NOBOX: variants seen among roughly 807,000 people sequenced by gnomAD.
NOBOX encodes the protein homeobox protein NOBOX.
Under a neutral mutation model 60.2 loss-of-function variants are expected in NOBOX, and 46 were observed. That is an observed-to-expected ratio of 0.76 (90% CI 0.60 to 0.98). NOBOX has a LOEUF of 0.98. Ranked by LOEUF, NOBOX falls within the 50% of genes least tolerant of loss-of-function variation. The pLI is 0.00. For synonymous variants in NOBOX, 360 were observed against 346.3 expected (o/e 1.04, Z -0.44); for missense variants, 880 against 865.5 (o/e 1.02, Z -0.21).
chr7:144,407,770 C>A lies in NOBOX; in HGVS notation c.85+2373G>T, dbSNP rs558706506. 7.9e-4 allele frequency among the ~76,000 whole-genome samples: 120 copies of A among 152,344 alleles called. 1 individual carries two copies. The highest frequency in any genetic ancestry group is 3.4e-3 in the Middle Eastern group (1 of 294). On this transcript the variant is annotated intron_variant, in intron 1 of 9. Coordinates refer to ENST00000467773, the MANE Select transcript of NOBOX (RefSeq NM_001080413.3). ...TAGAGTGGAAACTGCCGGGCAGGGC[C>A]AGGACAAGTTCTGGCGTGAATTAGC...
chr7:144,397,154 C>G, downstream of NOBOX: 1 of 1,230,920 alleles, frequency 8.1e-7, no homozygotes, highest in African/African-American at 1.5e-5. Context: ...AGTCCACACT[C>G]TTTCCCAAAC....
intron 1 of NOBOX, among the ~76,000 whole-genome samples, chr7:144,407,148 TAAAA>T (rs5888132): frequency 1.3e-5 from 2 of 150,600 alleles, no homozygotes; most frequent in Non-Finnish European, 3.0e-5. Flanking sequence ...TGTCTGATAC[TAAAA>T]AAAAAAGTAG....
chr7:144,403,290 C>T (rs1376895363), intron 2 of NOBOX, among the ~76,000 whole-genome samples: 1 of 152,124 alleles, frequency 6.6e-6, no homozygotes, highest in Non-Finnish European at 1.5e-5. Flanking sequence ...AGCAAAAAGC[C>T]TGGTACCCAG....
chr7:144,408,630 T>A (rs2054001747), intron 1 of NOBOX, among the ~76,000 whole-genome samples: 2 of 152,238 alleles, frequency 1.3e-5, no homozygotes, highest in South Asian at 4.1e-4. Flanking sequence ...CACCTCAGAT[T>A]TGAACCCAGT....
chr7:144,404,748 G>C, intron 1 of NOBOX: 3 of 1,590,008 alleles, frequency 1.9e-6, no homozygotes, highest in South Asian at 2.3e-5. Flanking sequence ...TCTGAGAATG[G>C]AAGGGACTTT....
At chr7:144,409,710 A>G (rs892825265) in intron 1 of NOBOX, among the ~76,000 whole-genome samples, 5 of 152,250 alleles carry the variant, frequency 3.3e-5, no homozygotes, top group African/African-American at 1.2e-4. Context: ...TGGCTTTTAA[A>G]AAATAAAAAC....
rs371874278 is a variant in NOBOX at position 144,398,347 on chromosome 7, G to A, written c.1709C>T (p.Ser570Leu). ...GGAGGCACCTGGGCAATAGCCCTGC[G>A]ATGTGCCCCCGCTGGGGCCACAGGG... The change falls in exon 9 of 10, where the codon TCG (serine) becomes TTG (leucine). Residue 570 changes from serine to leucine, a missense_variant. By Grantham distance (145) the Ser-to-Leu change is moderately radical. Transcript: ENST00000467773. 1.9e-4 allele frequency: 293 copies of A among 1,537,150 alleles called. No homozygotes were observed. Among genetic ancestry groups the A allele is most frequent in the Middle Eastern group, 3.3e-4 (2 of 5,990 alleles).
chr7:144,400,007 CAA>C (rs1171449267), intron 5 of NOBOX, 144 bp from the exon 4 acceptor site: 3 of 1,387,936 alleles, frequency 2.2e-6, no homozygotes, highest in Non-Finnish European at 3.0e-6. Context: ...CTGGTTTTAT[CAA>C]AAGTCTCTGC....
chr7:144,398,556 C>T lies in NOBOX; in HGVS notation c.1500G>A (p.Leu500=). ...GGTAATCCTGGGGCTCCAGCTCCTC[C>T]AAATATGAACAGGGGGGTGGCAGGG... is the stretch of plus-strand genomic sequence containing the variant. The change falls in exon 9 of 10, where the codon TTG becomes TTA. Residue 500 remains leucine (L), a synonymous_variant. Coordinates refer to ENST00000467773, the MANE Select transcript of NOBOX (RefSeq NM_001080413.3). The T allele has an allele frequency of 6.5e-7, 1 of 1,535,456 alleles. No homozygotes were observed. The highest frequency in any genetic ancestry group is 8.7e-7 in the Non-Finnish European group (1 of 1,146,704).
intron 1 of NOBOX, among the ~76,000 whole-genome samples, chr7:144,407,830 A>T (rs1382481188): frequency 6.6e-6 from 1 of 152,254 alleles, no homozygotes; most frequent in Non-Finnish European, 1.5e-5. Flanking sequence ...CCAGACACTC[A>T]GGATAATCTG....
Position 144,400,246 on chromosome 7 carries a change from T to C in NOBOX, c.911A>G (p.Glu304Gly), listed in dbSNP as rs1247020721. Residue 304 changes from glutamate (E) to glycine (G), a missense_variant, in exon 5 of 10, where the codon GAG becomes GGG. Physicochemically the swap from Glu to Gly is moderately conservative, Grantham distance 98 (BLOSUM62 -2). Coordinates refer to ENST00000467773, the MANE Select transcript of NOBOX (RefSeq NM_001080413.3). ...GGTCACCCCCACCGTCTGGGCAATC[T>C]CTCGGCGTTTATCACTGTCAGGATA... 1 of 1,614,062 alleles carries C rather than the reference T, an allele frequency of 6.2e-7. No homozygotes were observed. Among genetic ancestry groups the C allele is most frequent in the Non-Finnish European group, 8.5e-7 (1 of 1,179,898 alleles).
In NOBOX at chr7:144,398,934, C is replaced by T. The variant is rs902509364; in HGVS notation, c.1469+16G>A. The T allele has an allele frequency of 7.1e-7, 1 of 1,414,990 alleles. No homozygotes were observed. Among genetic ancestry groups the T allele is most frequent in the Non-Finnish European group, 9.8e-7 (1 of 1,021,960 alleles). The allele number at this position is 1,414,990 out of a possible 1,614,324, so 87.7% of individuals were successfully genotyped here. ...ACCCAGATAACTAGAGTGACCTACC[C>T]CCGTAGGTTCCTTACCTTGTCCCCC... On this transcript the variant is annotated intron_variant, in intron 8 of 9. Coordinates refer to ENST00000467773, the MANE Select transcript of NOBOX (RefSeq NM_001080413.3).
chr7:144,410,081 C>T (rs572040688), intron 1 of NOBOX: 4 of 1,079,140 alleles, frequency 3.7e-6, no homozygotes, highest in African/African-American at 1.6e-5. Flanking sequence ...GAAGACAACT[C>T]TGTCTTCTGT....
chr7:144,403,604 T>G, intron 2 of NOBOX, 53 bp downstream of exon 1: 3 of 306,702 alleles, frequency 9.8e-6, no homozygotes, highest in East Asian at 1.2e-4. Context: ...CCTCCCCCCC[T>G]CCCCGAACCC....
chr7:144,399,044 G>C lies in NOBOX; in HGVS notation c.1375C>G (p.Pro459Ala). The C allele has an allele frequency of 6.3e-7, 1 of 1,599,964 alleles. No homozygotes were observed. The highest frequency in any genetic ancestry group is 8.5e-7 in the Non-Finnish European group (1 of 1,172,040). The change falls in exon 8 of 10, where the codon CCT becomes GCT. Residue 459 changes from proline to alanine, a missense_variant. Transcript: ENST00000467773. ...GGCATCAGTTGGGGGGTGTGGACAGGGCCAAGGGGGAAAGGAAGATCGGCC... is the reference window on the plus strand; with the variant it reads ...GGCATCAGTTGGGGGGTGTGGACAGCGCCAAGGGGGAAAGGAAGATCGGCC...
At chr7:144,405,347 C>T (rs1233504956) in intron 1 of NOBOX, among the ~76,000 whole-genome samples, 1 of 152,014 alleles carries the variant, frequency 6.6e-6, no homozygotes, top group East Asian at 1.9e-4. Context: ...CATTTGGTGG[C>T]GACATGGTAA....
Position 144,401,721 on chromosome 7 carries a change from A to G in NOBOX, c.293-124T>C. 1 of 1,080,738 alleles carries G rather than the reference A, an allele frequency of 9.3e-7. No homozygotes were observed. The highest frequency in any genetic ancestry group is 1.3e-6 in the Non-Finnish European group (1 of 761,122). 66.9% of individuals were successfully genotyped at this position (1,080,738 alleles called of 1,614,324 possible). On this transcript the variant is annotated intron_variant, in intron 3 of 9. Coordinates refer to ENST00000467773, the MANE Select transcript of NOBOX (RefSeq NM_001080413.3). The surrounding 1 kb of genome is among the most constrained non-coding windows in gnomAD (Gnocchi z 4.2). ...AAGCTTTAATTTGTCTACCTATCAAATGGGGTAATAATTCCACACTTACCT... is the reference window on the plus strand; with the variant it reads ...AAGCTTTAATTTGTCTACCTATCAAGTGGGGTAATAATTCCACACTTACCT...
chr7:144,407,550 C>T (rs949815995), intron 1 of NOBOX, among the ~76,000 whole-genome samples: 3 of 152,182 alleles, frequency 2.0e-5, no homozygotes, highest in African/African-American at 4.8e-5. Flanking sequence ...GCTCAGGGAC[C>T]GGCACTGCCA....
chr7:144,401,223 G>T lies in NOBOX; in HGVS notation c.667C>A (p.Pro223Thr). ...TTGTGTGTGGCACGGGCTGAGTTAG[G>T]GGCACCCGGAGATGATGTTGGGGCC... is the stretch of plus-strand genomic sequence containing the variant. The change falls in exon 4 of 10, where the codon CCT (proline) becomes ACT (threonine). Residue 223 changes from proline (P) to threonine (T), a missense_variant. Coordinates refer to ENST00000467773, the MANE Select transcript of NOBOX (RefSeq NM_001080413.3). This position sits in a 1 kb window ranked among gnomAD's most constrained non-coding sequence, Gnocchi z 4.2. 1 of 1,613,630 alleles carries T rather than the reference G, an allele frequency of 6.2e-7. No homozygotes were observed. The highest frequency in any genetic ancestry group is 2.2e-5 in the East Asian group (1 of 44,850).
Sources: gnomAD v4.1 joint callset for allele counts (sites outside exome capture counted in the v4.1 genomes callset) on GRCh38, gnomAD v4.1.1 for gene constraint, Gnocchi (gnomAD v3.1) non-coding constraint, MANE v1.5 for transcripts, NCBI Gene and HGNC (gene_info 2026-07-23, HGNC 2026-07-21) for gene names.